The following GALNT5 variants were observed in gnomAD, a reference collection of about 807,000 sequenced individuals.
GALNT5 encodes the protein polypeptide N-acetylgalactosaminyltransferase 5, also known as UDP-GalNAc:polypeptide N-acetylgalactosaminyltransferase 5.
GALNT5 carries 72 observed loss-of-function variants against 85.4 expected under a neutral mutation model. The observed-to-expected ratio is 0.84, with a 90% CI of 0.70 to 1.03. The LOEUF (loss-of-function observed/expected upper bound fraction) is 1.03. GALNT5 is among the 50% of genes least tolerant of loss of function. GALNT5 has a pLI of 0.00. For missense variants in GALNT5, 1,137 were observed against 1,135.5 expected (o/e 1.00, Z -0.02); for synonymous variants, 404 against 397.0 (o/e 1.02, Z -0.21).
intron 3 of GALNT5, among the ~76,000 whole-genome samples, chr2:157,289,698 A>G (rs929261174): frequency 6.6e-6 from 1 of 152,106 alleles, no homozygotes; most frequent in African/African-American, 2.4e-5. Context: ...TTATTGACCT[A>G]CCCCTTTGTA....
At chr2:157,307,679 G>T (rs1297782136) in intron 8 of GALNT5, among the ~76,000 whole-genome samples, 10 of 152,148 alleles carry the variant, frequency 6.6e-5, no homozygotes, top group Non-Finnish European at 1.2e-4. Flanking sequence ...CAATGACTTT[G>T]ATCTAACCTG....
At chr2:157,278,628 A>G (rs1682789990) in intron 1 of GALNT5, among the ~76,000 whole-genome samples, 1 of 152,118 alleles carries the variant, frequency 6.6e-6, no homozygotes, top group Non-Finnish European at 1.5e-5. Flanking sequence ...TTGTGCATGC[A>G]TCACGAAGTT....
intron 3 of GALNT5, among the ~76,000 whole-genome samples, chr2:157,287,684 T>C (rs1475947250): frequency 1.3e-5 from 2 of 152,210 alleles, no homozygotes; most frequent in Non-Finnish European, 2.9e-5. Flanking sequence ...CCAAAGGCCG[T>C]ATGCCTTCTT....
At chr2:157,280,764 G>A (rs1390850286) in intron 1 of GALNT5, among the ~76,000 whole-genome samples, 1 of 152,166 alleles carries the variant, frequency 6.6e-6, no homozygotes, top group Non-Finnish European at 1.5e-5. Context: ...GGATCACGGA[G>A]GCAGATCTAT....
chr2:157,261,998 A>G (rs1682351830), intron 1 of GALNT5, among the ~76,000 whole-genome samples: 1 of 152,108 alleles, frequency 6.6e-6, no homozygotes, highest in African/African-American at 2.4e-5. Flanking sequence ...GTGTGAAAGA[A>G]AGAGAGAGAG....
chr2:157,274,864 G>C (rs995101123), intron 1 of GALNT5, among the ~76,000 whole-genome samples: 2 of 152,146 alleles, frequency 1.3e-5, no homozygotes, highest in African/African-American at 4.8e-5. Flanking sequence ...TTTGGCTTTT[G>C]TTGCCATTGC....
In GALNT5 at chr2:157,317,603, G is replaced by A. The variant is rs1349662359; in HGVS notation, c.*6255G>A. Among the ~76,000 whole-genome samples the A allele has an allele frequency of 6.6e-6, 1 of 152,120 alleles. No homozygotes were observed. The highest frequency in any genetic ancestry group is 1.5e-5 in the Non-Finnish European group (1 of 67,998). On this transcript the variant is annotated 3_prime_UTR_variant, in exon 10 of 10. Coordinates refer to ENST00000259056, the MANE Select transcript of GALNT5 (RefSeq NM_014568.3). ...ACTAAAACTGTGGAGTATAAAGGAT[G>A]TTGGAATTAAACATTTTTAAGTACT...
intron 1 of GALNT5, among the ~76,000 whole-genome samples, chr2:157,279,178 C>T (rs1682801204): frequency 6.6e-6 from 1 of 152,136 alleles, no homozygotes; most frequent in African/African-American, 2.4e-5. Context: ...GCTGCCTGAT[C>T]CTTCCTCTGC....
intron 9 of GALNT5, among the ~76,000 whole-genome samples, chr2:157,309,609 C>T (rs1683525828): frequency 1.3e-5 from 2 of 152,200 alleles, no homozygotes; most frequent in South Asian, 4.1e-4. Context: ...TGGAGACTCT[C>T]AGTTTGTCCT....
intron 6 of GALNT5, 81 bp from the exon 7 acceptor site, chr2:157,300,595 G>T (rs1032175663): frequency 9.3e-7 from 1 of 1,078,158 alleles, no homozygotes; most frequent in South Asian, 1.4e-5. Flanking sequence ...GGGGAAACAA[G>T]GTGGTTTCTT....
intron 1 of GALNT5, among the ~76,000 whole-genome samples, chr2:157,267,386 T>A (rs1032053305): frequency 6.6e-6 from 1 of 152,188 alleles, no homozygotes; most frequent in Non-Finnish European, 1.5e-5. Context: ...ATTTGCCTTT[T>A]CTCAGGGGAC....
chr2:157,280,560 T>G (rs1682834179), intron 1 of GALNT5, among the ~76,000 whole-genome samples: 1 of 152,192 alleles, frequency 6.6e-6, no homozygotes, highest in Non-Finnish European at 1.5e-5. Context: ...TTGTGGTAAT[T>G]TGTCATGGCA....
At chr2:157,300,600 T>C (rs1472438193) in intron 6 of GALNT5, 76 bp from the exon 7 acceptor site, 1 of 1,163,710 alleles carries the variant, frequency 8.6e-7, no homozygotes, top group African/African-American at 1.5e-5. Flanking sequence ...AACAAGGTGG[T>C]TTCTTGTCAT....
At chr2:157,302,989 A>G (rs1268479294) in intron 7 of GALNT5, among the ~76,000 whole-genome samples, 1 of 152,266 alleles carries the variant, frequency 6.6e-6, no homozygotes, top group Non-Finnish European at 1.5e-5. Context: ...TAAGTAGATC[A>G]TTATTTTAGA....
In GALNT5 at chr2:157,284,439, A is replaced by G. The variant is rs773848921; in HGVS notation, c.1612A>G (p.Ser538Gly). 9 of 1,613,652 alleles carry G rather than the reference A, an allele frequency of 5.6e-6. No homozygotes were observed. Among genetic ancestry groups the G allele is most frequent in the Non-Finnish European group, 7.6e-6 (9 of 1,179,788 alleles). Residue 538 changes from serine (S) to glycine (G), a missense_variant, in exon 2 of 10, where the codon AGC becomes GGC. Coordinates refer to ENST00000259056, the MANE Select transcript of GALNT5 (RefSeq NM_014568.3). ...IKEILLVDDF[S>G]TKDYLKDNLD... ...GGAGATTCTGCTGGTAGATGACTTC[A>G]GCACCAAAGGTAAGAAAACCACTCA... is the stretch of plus-strand genomic sequence containing the variant.
rs894075714 is a variant in GALNT5 at position 157,317,658 on chromosome 2, A to G, written c.*6310A>G. 3.3e-5 allele frequency among the ~76,000 whole-genome samples: 5 copies of G among 152,142 alleles called. No individual in the cohort carries two copies. The highest frequency in any genetic ancestry group is 1.2e-4 in the African/African-American group (5 of 41,456). On this transcript the variant is annotated 3_prime_UTR_variant, in exon 10 of 10. Transcript: ENST00000259056. ...CTTTTGCATCTGATCGACTGAAGTT[A>G]TTATAAAGAAGGAATCAAGTATGTA...
chr2:157,279,468 C>T (rs7601174), intron 1 of GALNT5, among the ~76,000 whole-genome samples: 20,349 of 152,268 alleles, frequency 0.13, 3,920 homozygotes, highest in African/African-American at 0.42. Context: ...TGCTGAGCTG[C>T]GGTGGGCTCC....
Position 157,273,039 on chromosome 2 carries a change from G to GT in GALNT5, c.1455-11236dup, listed in dbSNP as rs1682626006. ...CTCCACAGCCTTGACAGCATCTGTT[G>GT]TTTTTTTACTTTTTAATAACTGCCA... On this transcript the variant is annotated intron_variant, in intron 1 of 9. Coordinates refer to ENST00000259056, the MANE Select transcript of GALNT5 (RefSeq NM_014568.3). Among the ~76,000 whole-genome samples the GT allele has an allele frequency of 3.3e-5, 5 of 152,114 alleles. No homozygotes were observed. The South Asian group carries it at 8.3e-4, about 25-fold the overall frequency.
intron 1 of GALNT5, 70 bp from the exon 2 acceptor site, chr2:157,284,212 T>C: frequency 1.5e-6 from 2 of 1,318,930 alleles, no homozygotes; most frequent in Non-Finnish European, 2.2e-6. Flanking sequence ...CATCGCACTC[T>C]GTGACTTTTA....
Sources: gnomAD v4.1 joint callset for allele counts (sites outside exome capture counted in the v4.1 genomes callset) on GRCh38, gnomAD v4.1.1 for gene constraint, MANE v1.5 for transcripts, NCBI Gene and HGNC (gene_info 2026-07-23, HGNC 2026-07-21) for gene names.